The following CERS1 variants were observed in gnomAD, a reference collection of about 807,000 sequenced individuals.
The protein encoded by CERS1 is Embryonic growth/differentiation factor 1.
CERS1 carries 16 observed loss-of-function variants against 35.7 expected under a neutral mutation model. The ratio of observed to expected loss-of-function variants is 0.45; its 90% confidence interval spans 0.30 to 0.68. The LOEUF (loss-of-function observed/expected upper bound fraction) is 0.68, where lower values mean the gene tolerates loss of function less well. Among genes scored for constraint, CERS1 ranks in the 30% least tolerant of loss-of-function variants. The pLI, the probability that CERS1 is intolerant of heterozygous loss-of-function variation, is 0.08. For missense variants in CERS1, 454 were observed against 453.9 expected, an observed-to-expected ratio of 1.00 and a Z score of 0.00; for synonymous variants, 243 against 201.6, an observed-to-expected ratio of 1.21 and a Z score of -1.74.
At position 18,878,195 on chromosome 19, in the gene CERS1, C is replaced by A. The variant is rs1192955508; in HGVS notation, c.1010+735G>T. 2.0e-5 allele frequency: 20 copies of A among 985,656 alleles called. No individual in the cohort carries two copies. Among genetic ancestry groups the A allele is most frequent in the Non-Finnish European group, 2.4e-5 (20 of 830,084 alleles). The allele number at this position is 985,656 out of a possible 1,614,324, so 61.1% of individuals were successfully genotyped here. On this transcript the variant is annotated intron_variant, in intron 6 of 7. Coordinates refer to ENST00000623882, the MANE Select transcript of CERS1 (RefSeq NM_021267.5). This position sits in a 1 kb window ranked among gnomAD's most constrained non-coding sequence, Gnocchi z 4.6. Reference sequence around the variant, plus strand: ...TCCAGGGCCTTCCACAACCTCCTGCCCCGGCTCCTGCTCAAACACTCCTCA... The same window carrying A: ...TCCAGGGCCTTCCACAACCTCCTGCACCGGCTCCTGCTCAAACACTCCTCA...
chr19:18,874,118 A>G (rs1255421539), intron 6 of CERS1, among the ~76,000 whole-genome samples: 2 of 152,124 alleles, frequency 1.3e-5, no homozygotes, highest in East Asian at 3.9e-4. Context: ...AGCCTCAGAG[A>G]GAGGGACTGT....
In CERS1 at chr19:18,891,723, G is replaced by A. The variant is rs556984625; in HGVS notation, c.409+1693C>T. Among the ~76,000 whole-genome samples, 13 of 147,684 alleles carry A rather than the reference G, an allele frequency of 8.8e-5. No homozygotes were observed. The South Asian group carries it at 2.4e-3, about 27-fold the overall frequency. ...CTCCCAAGTAGCTGGTACTACAGAC[G>A]TGCCCCACCATACCAGGCTAATTTT... On this transcript the variant is annotated intron_variant, in intron 2 of 7. Transcript: ENST00000623882.
chr19:18,875,097 A>G (rs1053793238), intron 6 of CERS1, among the ~76,000 whole-genome samples: 13 of 151,974 alleles, frequency 8.6e-5, no homozygotes, highest in African/African-American at 2.9e-4. Context: ...TTAGCTGGAT[A>G]TGATGGTGGG....
chr19:18,868,621 C>T lies in CERS1; in HGVS notation c.*1364G>A. 7 of 1,569,972 alleles carry T rather than the reference C, an allele frequency of 4.5e-6. No individual in the cohort carries two copies. The highest frequency in any genetic ancestry group is 6.0e-6 in the Non-Finnish European group (7 of 1,157,732). On this transcript the variant is annotated 3_prime_UTR_variant, in exon 8 of 8. Transcript: ENST00000623882. The stretch of plus-strand genomic sequence containing the variant: ...GTTAGCGGCAGCCGCACTCGTCCAC[C>T]ACCATGTCCTCATACTGCCGCAGCA...
intron 6 of CERS1, among the ~76,000 whole-genome samples, chr19:18,872,718 G>A (rs1420639952): frequency 4.3e-5 from 3 of 70,100 alleles, no homozygotes; most frequent in Admixed American, 3.5e-4. Context: ...GTTTTACCAT[G>A]TTGGCCAGGC....
At position 18,875,925 on chromosome 19, in the gene CERS1, G is replaced by A. The variant is rs368324317; in HGVS notation, c.1010+3005C>T. ...GCTTAGAGTTCCCAGAGGGAGCACC[G>A]CCCAGCTGACCTTGATTTTGAACAT... On this transcript the variant is annotated intron_variant, in intron 6 of 7. Coordinates refer to ENST00000623882, the MANE Select transcript of CERS1 (RefSeq NM_021267.5). Among the ~76,000 whole-genome samples, 103 of 152,324 alleles carry A rather than the reference G, an allele frequency of 6.8e-4. 2 individuals are homozygous for A. In the South Asian group the frequency reaches 0.02, roughly 29 times the overall value.
In CERS1 at chr19:18,877,077, A is replaced by G. The variant is rs555619546; in HGVS notation, c.1010+1853T>C. 3.1e-4 allele frequency among the ~76,000 whole-genome samples: 47 copies of G among 152,222 alleles called. 1 individual carries two copies. In the South Asian group the frequency reaches 9.7e-3, roughly 32 times the overall value. The stretch of plus-strand genomic sequence containing the variant: ...TTCGTCCCATCCTGTTTTATACCCA[A>G]CTGCACTAACTCCGGCTGTCCTTGG... On this transcript the variant is annotated intron_variant, in intron 6 of 7. Coordinates refer to ENST00000623882, the MANE Select transcript of CERS1 (RefSeq NM_021267.5).
At position 18,896,089 on chromosome 19, in the gene CERS1, C is replaced by T. The variant is rs2056621528; in HGVS notation, c.-17G>A. The T allele has an allele frequency of 1.1e-6, 1 of 933,618 alleles. No homozygotes were observed. Among genetic ancestry groups the T allele is most frequent in the South Asian group, 4.8e-5 (1 of 20,880 alleles). 57.8% of individuals were successfully genotyped at this position (933,618 alleles called of 1,614,324 possible). A position where few individuals can be genotyped will look rare whatever the true frequency, so the allele number is the denominator to read the frequency against. On this transcript the variant is annotated 5_prime_UTR_variant, in exon 1 of 8. Transcript: ENST00000623882. This position sits in a 1 kb window ranked among gnomAD's most constrained non-coding sequence, Gnocchi z 5.9. The stretch of plus-strand genomic sequence containing the variant: ...CGCCGCCATACCGCCCGCTCGCCCG[C>T]CGTGCCCGTCGCCTGCGCCCGCCCG...
At chr19:18,888,889 CTTTTTTTTTT>C in intron 2 of CERS1, among the ~76,000 whole-genome samples, 1 of 122,918 alleles carries the variant, frequency 8.1e-6, no homozygotes, top group African/African-American at 3.1e-5. Flanking sequence ...TTCTTTCTTT[CTTTTTTTTTT>C]TTTTTTTTTT....
At chr19:18,885,511 G>GA (rs2056327149) in intron 2 of CERS1, among the ~76,000 whole-genome samples, 1 of 22,122 alleles carries the variant, frequency 4.5e-5, no homozygotes. Context: ...GCCCCTTCTC[G>GA]TTTTTTTTTT....
At chr19:18,876,582 C>A (rs2056065339) in intron 6 of CERS1, among the ~76,000 whole-genome samples, 1 of 142,578 alleles carries the variant, frequency 7.0e-6, no homozygotes, top group African/African-American at 2.7e-5. Context: ...ACTGCATATC[C>A]CTATATTGCC....
In CERS1 at chr19:18,869,170, C is replaced by A. The variant is rs1232378665; in HGVS notation, c.*815G>T. 8.7e-7 allele frequency: 1 copy of A among 1,147,820 alleles called. No homozygotes were observed. The highest frequency in any genetic ancestry group is 1.1e-6 in the Non-Finnish European group (1 of 934,910). 71.1% of individuals were successfully genotyped at this position (1,147,820 alleles called of 1,614,324 possible). ...CCAGGGCGGGCACCAACTGGCGGAG[C>A]AGCACCGGCCCGGGGTCCGCGCCCG... On this transcript the variant is annotated 3_prime_UTR_variant, in exon 8 of 8. Coordinates refer to ENST00000623882, the MANE Select transcript of CERS1 (RefSeq NM_021267.5).
Position 18,873,434 on chromosome 19 carries a change from C to T in CERS1, c.1011-2815G>A, listed in dbSNP as rs535308383. On this transcript the variant is annotated intron_variant, in intron 6 of 7. Transcript: ENST00000623882. ...TTCAAGGGCCAGGCGCAGTGGCTCA[C>T]GCCTGTAATCCCAGCACTTTGGGAG... Among the ~76,000 whole-genome samples the T allele has an allele frequency of 9.9e-5, 15 of 152,134 alleles. No individual in the cohort carries two copies. The South Asian group carries it at 1.2e-3, about 13-fold the overall frequency.
intron 2 of CERS1, among the ~76,000 whole-genome samples, chr19:18,885,989 C>T (rs1169319393): frequency 6.6e-6 from 1 of 152,222 alleles, no homozygotes; most frequent in Admixed American, 6.5e-5. Context: ...TTCCCCTCCT[C>T]CTGCCTCCTG....
intron 2 of CERS1, among the ~76,000 whole-genome samples, chr19:18,886,120 C>T (rs1213901002): frequency 1.3e-5 from 2 of 150,510 alleles, no homozygotes; most frequent in East Asian, 3.9e-4. Flanking sequence ...AAGGGCTATG[C>T]TCTGGACGGG....
intron 3 of CERS1, 46 bp from the exon 4 acceptor site, chr19:18,880,481 G>T: frequency 1.3e-6 from 2 of 1,520,718 alleles, no homozygotes; most frequent in Non-Finnish European, 1.8e-6. Flanking sequence ...CACATTGGGG[G>T]ACCTCCACTC....
At chr19:18,869,431 C>G in intron 7 of CERS1, 41 bp from the exon 8 acceptor site, 1 of 1,520,044 alleles carries the variant, frequency 6.6e-7, no homozygotes, top group Non-Finnish European at 8.8e-7. Context: ...CGCTGCGTCC[C>G]CGGCCTGCCC....
At chr19:18,879,735 C>A (rs2056152904) in intron 4 of CERS1, among the ~76,000 whole-genome samples, 1 of 148,062 alleles carries the variant, frequency 6.8e-6, no homozygotes, top group African/African-American at 2.5e-5. Context: ...CCTTTCCTGC[C>A]AGGCCCCACC....
intron 4 of CERS1, among the ~76,000 whole-genome samples, chr19:18,879,921 T>C (rs1241333249): frequency 6.8e-6 from 1 of 147,274 alleles, no homozygotes; most frequent in East Asian, 2.1e-4. Context: ...ACCCCAACCC[T>C]GCTTGGCCCC....
Sources: allele counts gnomAD v4.1 joint callset (sites outside exome capture counted in the v4.1 genomes callset), GRCh38; gene constraint gnomAD v4.1.1; non-coding constraint Gnocchi (gnomAD v3.1); transcripts MANE v1.5; gene names NCBI Gene and HGNC (gene_info 2026-07-23, HGNC 2026-07-21).